The following RNLS variants were observed in gnomAD, a reference collection of about 807,000 sequenced individuals.
The protein encoded by RNLS is renalase, FAD dependent amine oxidase.
RNLS carries 39 observed loss-of-function variants against 39.8 expected under a neutral mutation model. The observed-to-expected ratio is 0.98, with a 90% CI of 0.76 to 1.28. The LOEUF (loss-of-function observed/expected upper bound fraction) is 1.28, where lower values mean the gene tolerates loss of function less well. Ranked by LOEUF, RNLS falls within the 50% of genes most tolerant of loss-of-function variation. The pLI, the probability that RNLS is intolerant of heterozygous loss-of-function variation, is 0.00. For missense variants in RNLS, 410 were observed against 413.3 expected, an observed-to-expected ratio of 0.99 and a Z score of 0.07; for synonymous variants, 147 against 150.7, an observed-to-expected ratio of 0.98 and a Z score of 0.18.
At chr10:88,575,187 A>AG (rs1850113404) in intron 3 of RNLS, among the ~76,000 whole-genome samples, 3 of 110,400 alleles carry the variant, frequency 2.7e-5, no homozygotes, top group African/African-American at 1.1e-4. Context: ...CACATATTAT[A>AG]TATATATACT....
intron 4 of RNLS, among the ~76,000 whole-genome samples, chr10:88,545,827 T>C (rs1669331112): frequency 6.6e-6 from 1 of 152,222 alleles, no homozygotes; most frequent in African/African-American, 2.4e-5. Flanking sequence ...AAAAACATAA[T>C]GCCAGACTTG....
At chr10:88,202,763 C>T in the RNLS span, among the ~76,000 whole-genome samples, 3 of 152,196 alleles carry the variant, frequency 2.0e-5, no homozygotes, top group African/African-American at 7.2e-5. Flanking sequence ...TGCCTCTTGA[C>T]GGGGCGCCCT....
At position 88,314,248 on chromosome 10, in the gene RNLS, A is replaced by G. The variant is rs11202709; in HGVS notation, c.876+218T>C. 0.23 allele frequency among the ~76,000 whole-genome samples: 34,721 copies of G among 152,140 alleles called. 4,547 individuals carry two copies. The highest frequency in any genetic ancestry group is 0.28 in the Non-Finnish European group (18,953 of 67,988). On this transcript the variant is annotated intron_variant, in intron 6 of 6. Transcript: ENST00000331772. Reference sequence around the variant, plus strand: ...AGTCTTGAGATGCTTGAATTTGAAGACAACATTGGTGGAAATTCTATGCAC... The same window carrying G: ...AGTCTTGAGATGCTTGAATTTGAAGGCAACATTGGTGGAAATTCTATGCAC...
Position 88,516,625 on chromosome 10 carries a change from T to C in RNLS, c.526+56278A>G, listed in dbSNP as rs143062556. ...TAAAATTTCTAGTCCATCTATAAAG[T>C]TGGTATTTTTCTGATTTAGTATTTT... On this transcript the variant is annotated intron_variant, in intron 4 of 6. Transcript: ENST00000331772. Among the ~76,000 whole-genome samples the C allele has an allele frequency of 2.6e-4, 39 of 152,144 alleles. No individual in the cohort carries two copies. In the East Asian group the frequency reaches 6.8e-3, roughly 26 times the overall value.
Position 88,285,331 on chromosome 10 carries a change from T to C in RNLS, c.*23A>G. The C allele has an allele frequency of 6.4e-7, 1 of 1,565,746 alleles. No individual in the cohort carries two copies. The highest frequency in any genetic ancestry group is 8.7e-7 in the Non-Finnish European group (1 of 1,151,454). Reference sequence around the variant, plus strand: ...TGTGAAAATAAAAACCCAATACACATGTAGAGAATAAGGATATAGGCACTA... The same window carrying C: ...TGTGAAAATAAAAACCCAATACACACGTAGAGAATAAGGATATAGGCACTA... On this transcript the variant is annotated 3_prime_UTR_variant, in exon 7 of 7. Transcript: ENST00000331772.
chr10:88,470,968 C>T (rs557276716), intron 4 of RNLS, among the ~76,000 whole-genome samples: 4 of 152,162 alleles, frequency 2.6e-5, no homozygotes, highest in South Asian at 2.1e-4. Context: ...TCCATGCCAG[C>T]GTATAGAGTT....
At chr10:88,456,358 TATATA>T (rs1157297653) in intron 4 of RNLS, among the ~76,000 whole-genome samples, 1 of 151,434 alleles carries the variant, frequency 6.6e-6, no homozygotes, top group Admixed American at 6.6e-5. Context: ...CTTGATGATA[TATATA>T]ATATTTATTT....
At chr10:88,177,189 C>T in the RNLS span, among the ~76,000 whole-genome samples, 1 of 152,132 alleles carries the variant, frequency 6.6e-6, no homozygotes, top group Non-Finnish European at 1.5e-5. Context: ...CTTTGCCTAT[C>T]CTTTCTTCTG....
chr10:88,370,179 T>G (rs961511289), intron 4 of RNLS, among the ~76,000 whole-genome samples: 1 of 152,142 alleles, frequency 6.6e-6, no homozygotes, highest in African/African-American at 2.4e-5. Context: ...CCCAGGAGTA[T>G]GGTAAGAATA....
At chr10:88,562,619 G>T (rs1184169858) in intron 4 of RNLS, among the ~76,000 whole-genome samples, 1 of 152,100 alleles carries the variant, frequency 6.6e-6, no homozygotes, top group Non-Finnish European at 1.5e-5. Flanking sequence ...TCTATGAATA[G>T]ACTGTGTGGG....
intron 4 of RNLS, among the ~76,000 whole-genome samples, chr10:88,391,100 A>G (rs187247362): frequency 6.6e-6 from 1 of 152,336 alleles, no homozygotes; most frequent in East Asian, 1.9e-4. Flanking sequence ...CTCTGAAAAT[A>G]TAACTGCAAT....
At chr10:88,464,937 C>T (rs1381762696) in intron 4 of RNLS, among the ~76,000 whole-genome samples, 1 of 152,068 alleles carries the variant, frequency 6.6e-6, no homozygotes, top group African/African-American at 2.4e-5. Context: ...ATCCATACAG[C>T]ATGGTGCCTA....
chr10:88,379,956 T>G (rs1302464605), intron 4 of RNLS, among the ~76,000 whole-genome samples: 1 of 152,082 alleles, frequency 6.6e-6, no homozygotes. Flanking sequence ...AGCTTTTGAG[T>G]CTTTCCAGCC....
At chr10:88,202,769 G>A in the RNLS span, among the ~76,000 whole-genome samples, 8 of 152,150 alleles carry the variant, frequency 5.3e-5, no homozygotes, top group East Asian at 3.9e-4. Flanking sequence ...TTGACGGGGC[G>A]CCCTGGTCCC....
the RNLS span, among the ~76,000 whole-genome samples, chr10:88,262,068 G>C: frequency 3.9e-5 from 6 of 152,202 alleles, no homozygotes; most frequent in African/African-American, 1.4e-4. Flanking sequence ...AGGCAGGAGA[G>C]GGTATAGTGA....
Position 88,472,904 on chromosome 10 carries a change from G to A in RNLS, c.526+99999C>T, listed in dbSNP as rs142726598. ...TGTTAATTATGGGTCCCAGAAAATCGTCTATGTTGGGAATTTAACTAGTCA... is the reference window on the plus strand; with the variant it reads ...TGTTAATTATGGGTCCCAGAAAATCATCTATGTTGGGAATTTAACTAGTCA... On this transcript the variant is annotated intron_variant, in intron 4 of 6. Transcript: ENST00000331772. Among the ~76,000 whole-genome samples, 591 of 152,264 alleles carry A rather than the reference G, an allele frequency of 3.9e-3. 3 individuals carry two copies. The highest frequency in any genetic ancestry group is 0.014 in the African/African-American group (563 of 41,544).
At chr10:88,288,591 G>T (rs1015477934) in intron 6 of RNLS, among the ~76,000 whole-genome samples, 1 of 152,082 alleles carries the variant, frequency 6.6e-6, no homozygotes, top group Middle Eastern at 3.2e-3. Context: ...GATAAACTGT[G>T]GCACTATTAA....
chr10:88,234,149 A>G, the RNLS span, among the ~76,000 whole-genome samples: 2 of 150,632 alleles, frequency 1.3e-5, no homozygotes, highest in African/African-American at 4.9e-5. Context: ...ACAATGGGAG[A>G]TTGGGAGCAG....
the RNLS span, among the ~76,000 whole-genome samples, chr10:88,212,348 A>G: frequency 2.0e-5 from 3 of 152,158 alleles, no homozygotes; most frequent in Non-Finnish European, 4.4e-5. Context: ...TATGTAATAC[A>G]TATTTGTCCT....
Sources: allele counts gnomAD v4.1 joint callset (sites outside exome capture counted in the v4.1 genomes callset), GRCh38; gene constraint gnomAD v4.1.1; transcripts MANE v1.5; gene names NCBI Gene and HGNC (gene_info 2026-07-23, HGNC 2026-07-21).